The following FRG1 variants were observed in gnomAD, a reference collection of about 807,000 sequenced individuals.
The protein encoded by FRG1 is FSHD region gene 1.
FRG1 carries 19 observed loss-of-function variants against 37.0 expected under a neutral mutation model. The observed-to-expected ratio is 0.51, with a 90% CI of 0.36 to 0.75. FRG1 has a LOEUF of 0.75. Ranked by LOEUF, FRG1 falls within the 30% of genes least tolerant of loss-of-function variation. The probability of loss-of-function intolerance (pLI) is 0.00; values close to 1 mark genes in which losing one functional copy is unlikely to be tolerated. For synonymous variants in FRG1, 73 were observed against 96.5 expected (o/e 0.76, Z 1.43); for missense variants, 243 against 301.4 (o/e 0.81, Z 1.44).
intron 2 of FRG1, among the ~76,000 whole-genome samples, chr4:189,950,788 C>T (rs1182610772): frequency 6.6e-6 from 1 of 152,104 alleles, no homozygotes; most frequent in East Asian, 1.9e-4. Context: ...TTCATTTACA[C>T]ACATGCCCCC....
chr4:189,944,120 T>A (rs1266121586), intron 2 of FRG1, among the ~76,000 whole-genome samples: 1 of 152,220 alleles, frequency 6.6e-6, no homozygotes, highest in African/African-American at 2.4e-5. Flanking sequence ...GATGGTGTTA[T>A]CAGTCTTTTC....
chr4:189,959,556 G>C (rs1217372775), intron 6 of FRG1, among the ~76,000 whole-genome samples: 2 of 152,168 alleles, frequency 1.3e-5, no homozygotes, highest in African/African-American at 4.8e-5. Flanking sequence ...ATGGGTTTGT[G>C]ACTTACATTT....
In FRG1 at chr4:189,961,195, A is replaced by G. The variant is rs572409817; in HGVS notation, c.629+356A>G. The G allele has an allele frequency of 2.6e-4, 48 of 184,904 alleles. No homozygotes were observed. The South Asian group carries it at 5.3e-3, about 20-fold the overall frequency. The allele number at this position is 184,904 out of a possible 1,614,324, so 11.5% of individuals were successfully genotyped here. On this transcript the variant is annotated intron_variant, in intron 7 of 8. Transcript: ENST00000226798. ...ATCCTACCACCTCCCAAAGCTAGTC[A>G]CTCAGGTTAGTCAATCTCTCTATTC... is the stretch of plus-strand genomic sequence containing the variant.
At chr4:189,950,151 T>C (rs1736693666) in intron 2 of FRG1, among the ~76,000 whole-genome samples, 1 of 152,246 alleles carries the variant, frequency 6.6e-6, no homozygotes, top group South Asian at 2.1e-4. Context: ...TGAGCGTCTT[T>C]TCAAGTGCTT....
chr4:189,955,103 T>C lies in FRG1; in HGVS notation c.384T>C (p.Arg128=). 2 of 1,613,626 alleles carry C rather than the reference T, an allele frequency of 1.2e-6. No individual in the cohort carries two copies. Among genetic ancestry groups the C allele is most frequent in the Non-Finnish European group, 1.7e-6 (2 of 1,179,616 alleles). ...ATTCAGATGGACTTGTTGTTGGGCG[T>C]TCAGATGCAATTGGACCAAGAGAAC... ...GINSDGLVVG[R]SDAIGPREQW... is the part of the protein sequence containing the mutation. Residue 128 remains arginine (R), a synonymous_variant, in exon 5 of 9, where the codon CGT becomes CGC. Coordinates refer to ENST00000226798, the MANE Select transcript of FRG1 (RefSeq NM_004477.3).
At chr4:189,953,662 TATG>T (rs928957597) in intron 4 of FRG1, among the ~76,000 whole-genome samples, 1 of 151,552 alleles carries the variant, frequency 6.6e-6, no homozygotes, top group Admixed American at 6.6e-5. Flanking sequence ...GTTACATCAA[TATG>T]ATAATGATTT....
intron 2 of FRG1, among the ~76,000 whole-genome samples, chr4:189,946,633 T>C (rs922571184): frequency 2.0e-5 from 3 of 152,188 alleles, no homozygotes; most frequent in Non-Finnish European, 4.4e-5. Context: ...ATTCAAAATA[T>C]CATCTAGTTT....
chr4:189,954,510 G>C (rs1277090824), intron 4 of FRG1, among the ~76,000 whole-genome samples: 2 of 151,238 alleles, frequency 1.3e-5, no homozygotes, highest in Non-Finnish European at 2.9e-5. Flanking sequence ...AAGGTACAAT[G>C]TTTATATTAA....
In FRG1 at chr4:189,959,244, G is replaced by A. The variant is rs868523455; in HGVS notation, c.538-1504G>A. ...CAAACAATTTCAATCTAAAATGTAGGTATTTTCTTACAGAAGGGAAATGTT... is the reference window on the plus strand; with the variant it reads ...CAAACAATTTCAATCTAAAATGTAGATATTTTCTTACAGAAGGGAAATGTT... On this transcript the variant is annotated intron_variant, in intron 6 of 8. Coordinates refer to ENST00000226798, the MANE Select transcript of FRG1 (RefSeq NM_004477.3). Among the ~76,000 whole-genome samples the A allele has an allele frequency of 7.9e-5, 12 of 152,220 alleles. 1 individual carries two copies. In the Middle Eastern group the frequency reaches 0.024, roughly 302 times the overall value.
At chr4:189,946,206 G>A (rs1402912376) in intron 2 of FRG1, among the ~76,000 whole-genome samples, 1 of 150,380 alleles carries the variant, frequency 6.6e-6, no homozygotes, top group Non-Finnish European at 1.5e-5. Flanking sequence ...GTTAATGATC[G>A]TTTAGTACAG....
In FRG1 at chr4:189,940,939, C is replaced by A. The variant is rs1352741409; in HGVS notation, c.-71C>A. ...CGTCCGCTTCTGTTTCTCCGCGCCC[C>A]TGTGCTGCCCCGACTCACATACTCG... On this transcript the variant is annotated 5_prime_UTR_variant, in exon 1 of 9. In the 5' UTR this introduces an upstream ATG that the reference lacks. Transcript: ENST00000226798. 8.0e-7 allele frequency: 1 copy of A among 1,255,800 alleles called. No homozygotes were observed. The allele number at this position is 1,255,800 out of a possible 1,614,324, so 77.8% of individuals were successfully genotyped here.
At chr4:189,958,233 T>C (rs1737072455) in intron 6 of FRG1, among the ~76,000 whole-genome samples, 1 of 152,312 alleles carries the variant, frequency 6.6e-6, no homozygotes, top group East Asian at 1.9e-4. Context: ...TCCAGTCTTT[T>C]GCTCTTATAA....
chr4:189,944,342 A>G (rs1736440184), intron 2 of FRG1, among the ~76,000 whole-genome samples: 1 of 152,058 alleles, frequency 6.6e-6, no homozygotes, highest in Non-Finnish European at 1.5e-5. Flanking sequence ...ACACCCGGCT[A>G]ATTTTTTGTG....
At chr4:189,951,084 A>G (rs775516643) in intron 2 of FRG1, among the ~76,000 whole-genome samples, 2 of 152,222 alleles carry the variant, frequency 1.3e-5, no homozygotes, top group African/African-American at 2.4e-5. Flanking sequence ...ATAAACTTTT[A>G]TAACAACGGC....
Position 189,940,901 on chromosome 4 carries a change from A to T in FRG1, c.-109A>T, listed in dbSNP as rs1223250300. ...TCTACAGAGACGTAGGCTGTCAGGG[A>T]GTGTTTATTTCGCGTCCGCTTCTGT... On this transcript the variant is annotated 5_prime_UTR_variant, in exon 1 of 9. Coordinates refer to ENST00000226798, the MANE Select transcript of FRG1 (RefSeq NM_004477.3). The T allele has an allele frequency of 1.3e-6, 1 of 755,060 alleles. No homozygotes were observed. Among genetic ancestry groups the T allele is most frequent in the African/African-American group, 1.8e-5 (1 of 55,426 alleles). 46.8% of individuals were successfully genotyped at this position (755,060 alleles called of 1,614,324 possible). A position where few individuals can be genotyped will look rare whatever the true frequency, so the allele number is the denominator to read the frequency against.
intron 1 of FRG1, among the ~76,000 whole-genome samples, chr4:189,942,623 GT>G (rs1341219207): frequency 1.3e-5 from 2 of 152,096 alleles, no homozygotes; most frequent in Non-Finnish European, 2.9e-5. Context: ...CATTTGGGTT[GT>G]TTCCCCTTTT....
At chr4:189,942,005 G>A (rs1023881522) in intron 1 of FRG1, 2 of 232,670 alleles carry the variant, frequency 8.6e-6, no homozygotes, top group Admixed American at 5.9e-5. Flanking sequence ...TAAATGGCAG[G>A]TTTATCCTGA....
chr4:189,955,332 G>T (rs564538893), intron 5 of FRG1, among the ~76,000 whole-genome samples, 181 bp downstream of exon 5: 1 of 152,134 alleles, frequency 6.6e-6, no homozygotes, highest in Non-Finnish European at 1.5e-5. Context: ...AACAAAAATC[G>T]CATTAGTCCT....
chr4:189,944,042 G>C (rs1157391315), intron 2 of FRG1, among the ~76,000 whole-genome samples: 2 of 152,206 alleles, frequency 1.3e-5, no homozygotes, highest in Non-Finnish European at 2.9e-5. Context: ...GTTTTCTAAA[G>C]TGGTTGTGCC....
Sources: allele counts gnomAD v4.1 joint callset (sites outside exome capture counted in the v4.1 genomes callset), GRCh38; gene constraint gnomAD v4.1.1; transcripts MANE v1.5; gene names NCBI Gene and HGNC (gene_info 2026-07-23, HGNC 2026-07-21).